The following SLC24A4 variants were observed in gnomAD, a reference collection of about 807,000 sequenced individuals.
SLC24A4 encodes the protein solute carrier family 24 member 4.
SLC24A4 carries 53 observed loss-of-function variants against 79.0 expected under a neutral mutation model. That is an observed-to-expected ratio of 0.67 (90% CI 0.54 to 0.84). SLC24A4 has a LOEUF of 0.84. Ranked by LOEUF, SLC24A4 falls within the 40% of genes least tolerant of loss-of-function variation. The pLI is 0.00. For synonymous variants in SLC24A4, 323 were observed against 323.8 expected, an observed-to-expected ratio of 1.00 and a Z score of 0.03; for missense variants, 731 against 822.0, an observed-to-expected ratio of 0.89 and a Z score of 1.35.
At position 92,433,753 on chromosome 14, in the gene SLC24A4, AC is replaced by A. The variant is rs1481238347; in HGVS notation, c.242-158del. 6.6e-5 allele frequency among the ~76,000 whole-genome samples: 10 copies of A among 152,332 alleles called. 1 individual carries two copies. The Middle Eastern group carries it at 0.014, about 207-fold the overall frequency. ...TATCCAGCAACTATTTCCTGAGAGC[AC>A]TGGTCTGCCCCTGGACTGAGAAATG... On this transcript the variant is annotated intron_variant, in intron 2 of 16. Transcript: ENST00000532405.
intron 9 of SLC24A4, 24 bp from the exon 10 acceptor site, chr14:92,449,050 C>T: frequency 1.2e-6 from 2 of 1,613,284 alleles, no homozygotes; most frequent in South Asian, 2.2e-5. Context: ...ATTGCCCTGA[C>T]CTCCTGCCTC....
intron 2 of SLC24A4, among the ~76,000 whole-genome samples, chr14:92,395,368 C>T (rs1235977232): frequency 6.6e-6 from 1 of 151,718 alleles, no homozygotes; most frequent in Non-Finnish European, 1.5e-5. Context: ...GTGTCTGGGG[C>T]TTAATCAGAA....
At chr14:92,491,357 A>T (rs1021370941) in intron 14 of SLC24A4, among the ~76,000 whole-genome samples, 4 of 152,082 alleles carry the variant, frequency 2.6e-5, no homozygotes, top group Admixed American at 2.0e-4. Flanking sequence ...TTGGATTAAG[A>T]CCCTAACGAC....
chr14:92,465,259 C>T (rs1003277845), intron 12 of SLC24A4, among the ~76,000 whole-genome samples: 2 of 152,144 alleles, frequency 1.3e-5, no homozygotes, highest in Admixed American at 6.5e-5. Context: ...CACTGTCTCA[C>T]GGGTGAGGAC....
rs1387180688 is a variant in SLC24A4, at chr14:92,353,916, C to T, written c.241+27938C>T. 2.0e-5 allele frequency among the ~76,000 whole-genome samples: 3 copies of T among 152,340 alleles called. No homozygotes were observed. The highest frequency in any genetic ancestry group is 2.1e-4 in the South Asian group (1 of 4,830). On this transcript the variant is annotated intron_variant, in intron 2 of 16. Coordinates refer to ENST00000532405, the MANE Select transcript of SLC24A4 (RefSeq NM_153646.4). The surrounding 1 kb of genome is among the most constrained non-coding windows in gnomAD (Gnocchi z 4.1). Reference sequence around the variant, plus strand: ...ATCCCAAGTGAGCTTCCCACACGGCCGGCCCAGAGAGCAGGAGAGTTGATG... The same window carrying T: ...ATCCCAAGTGAGCTTCCCACACGGCTGGCCCAGAGAGCAGGAGAGTTGATG...
At chr14:92,349,639 A>G (rs566572672) in intron 2 of SLC24A4, among the ~76,000 whole-genome samples, 1 of 152,248 alleles carries the variant, frequency 6.6e-6, no homozygotes, top group Non-Finnish European at 1.5e-5. Flanking sequence ...CAACAAGGAT[A>G]CTGACATTGA....
At chr14:92,380,992 G>A (rs1482609635) in intron 2 of SLC24A4, among the ~76,000 whole-genome samples, 1 of 152,142 alleles carries the variant, frequency 6.6e-6, no homozygotes, top group Non-Finnish European at 1.5e-5. Context: ...TGCACATAGT[G>A]AGAGGTGGGA....
intron 2 of SLC24A4, among the ~76,000 whole-genome samples, chr14:92,368,765 G>C (rs1343145249): frequency 6.6e-6 from 1 of 152,126 alleles, no homozygotes; most frequent in African/African-American, 2.4e-5. Context: ...CGAGGTTGAG[G>C]TCTCCTTCCC....
intron 12 of SLC24A4, among the ~76,000 whole-genome samples, chr14:92,473,729 C>T (rs556607836): frequency 2.5e-4 from 38 of 152,312 alleles, no homozygotes; most frequent in Non-Finnish European, 5.3e-4. Context: ...ATCTCCTGAC[C>T]TTCAGACCTG....
chr14:92,387,446 G>A (rs1889228123), intron 2 of SLC24A4, among the ~76,000 whole-genome samples: 1 of 152,112 alleles, frequency 6.6e-6, no homozygotes, highest in Non-Finnish European at 1.5e-5. Flanking sequence ...CCAAATGCTG[G>A]GATTACAGGC....
At chr14:92,391,998 C>G (rs1404035971) in intron 2 of SLC24A4, among the ~76,000 whole-genome samples, 2 of 152,174 alleles carry the variant, frequency 1.3e-5, no homozygotes, top group African/African-American at 4.8e-5. Flanking sequence ...CCTCCTCCCC[C>G]CACCACTTCC....
chr14:92,382,451 G>A (rs1320503795), intron 2 of SLC24A4, among the ~76,000 whole-genome samples: 4 of 152,146 alleles, frequency 2.6e-5, no homozygotes, highest in Admixed American at 1.3e-4. Context: ...TTTAGTACGC[G>A]TAAGGCTGTT....
At chr14:92,345,891 A>G (rs1321711193) in intron 2 of SLC24A4, among the ~76,000 whole-genome samples, 2 of 152,190 alleles carry the variant, frequency 1.3e-5, no homozygotes, top group East Asian at 3.9e-4. Flanking sequence ...CAGAAAGTAA[A>G]TTTGTAAATG....
At chr14:92,416,307 T>C (rs1003522628) in intron 2 of SLC24A4, among the ~76,000 whole-genome samples, 40 of 152,222 alleles carry the variant, frequency 2.6e-4, no homozygotes, top group Middle Eastern at 3.4e-3. Flanking sequence ...TCAGGGTCTT[T>C]CCTGCCACGC....
chr14:92,488,074 CTTT>C (rs777031420), intron 14 of SLC24A4, among the ~76,000 whole-genome samples: 3 of 138,776 alleles, frequency 2.2e-5, no homozygotes, highest in Admixed American at 7.2e-5. Flanking sequence ...CCTTCTTCCT[CTTT>C]TTTTTTTTTT....
intron 4 of SLC24A4, 45 bp downstream of exon 4, chr14:92,439,454 A>G: frequency 6.4e-7 from 1 of 1,562,050 alleles, no homozygotes; most frequent in African/African-American, 1.4e-5. Context: ...CCTTGAAGAC[A>G]TGTGGGACAT....
At chr14:92,342,638 C>T (rs1043081551) in intron 2 of SLC24A4, among the ~76,000 whole-genome samples, 3 of 152,196 alleles carry the variant, frequency 2.0e-5, no homozygotes, top group Non-Finnish European at 4.4e-5. Flanking sequence ...CCGCCTCGGC[C>T]TCCCAAGTGC....
chr14:92,484,188 C>G, intron 13 of SLC24A4: 1 of 985,370 alleles, frequency 1.0e-6, no homozygotes, highest in Non-Finnish European at 1.2e-6. Context: ...CCATCTCTCC[C>G]AGAGCATTAC....
intron 15 of SLC24A4, 90 bp downstream of exon 15, chr14:92,491,867 T>C (rs1442901184): frequency 3.0e-6 from 3 of 991,500 alleles, no homozygotes; most frequent in Non-Finnish European, 4.8e-6. Flanking sequence ...GGAGACGACC[T>C]CCTCCTCTCC....
Sources: gnomAD v4.1 joint callset for allele counts (sites outside exome capture counted in the v4.1 genomes callset) on GRCh38, gnomAD v4.1.1 for gene constraint, Gnocchi (gnomAD v3.1) non-coding constraint, MANE v1.5 for transcripts, NCBI Gene and HGNC (gene_info 2026-07-23, HGNC 2026-07-21) for gene names.